MRFAP1L1: variants seen among roughly 807,000 people sequenced by gnomAD.
The protein encoded by MRFAP1L1 is MORF4 family-associated protein 1-like 1.
A neutral mutation model predicts 10.6 loss-of-function variants in MRFAP1L1; 9 were observed. The ratio of observed to expected loss-of-function variants is 0.85; its 90% CI spans 0.51 to 1.48. MRFAP1L1 has a LOEUF of 1.48. Ranked by LOEUF, MRFAP1L1 falls within the 40% of genes most tolerant of loss-of-function variation. MRFAP1L1 has a pLI of 0.00. For synonymous variants in MRFAP1L1, 78 were observed against 70.4 expected (o/e 1.11, Z -0.54); for missense variants, 177 against 171.4 (o/e 1.03, Z -0.18).
rs200098852 is a variant in MRFAP1L1 at position 6,709,237 on chromosome 4, T to C, written c.*9A>G. ...AGCTAGTTTCCGACCTTACCACCGA[T>C]CTCCTCCTTCAAGAAGACTCGCTTC... is the stretch of plus-strand genomic sequence containing the variant. On this transcript the variant is annotated 3_prime_UTR_variant, in exon 1 of 2. Coordinates refer to ENST00000320848, the MANE Select transcript of MRFAP1L1 (RefSeq NM_203462.3). 475 of 1,611,352 alleles carry C rather than the reference T, an allele frequency of 2.9e-4. No individual in the cohort carries two copies. Among genetic ancestry groups the C allele is most frequent in the Middle Eastern group, 1.3e-3 (8 of 6,076 alleles).
Position 6,709,706 on chromosome 4 carries a change from G to A in MRFAP1L1, c.-77C>T. 6.5e-7 allele frequency: 1 copy of A among 1,540,230 alleles called. No homozygotes were observed. The highest frequency in any genetic ancestry group is 8.8e-7 in the Non-Finnish European group (1 of 1,137,522). ...ACCCTCCAAGAACTGGAGATCAGCA[G>A]TTACTGCTGGAGGCTGAGCGACCCA... On this transcript the variant is annotated 5_prime_UTR_variant, in exon 1 of 2. Coordinates refer to ENST00000320848, the MANE Select transcript of MRFAP1L1 (RefSeq NM_203462.3).
rs1330535025 is a variant in MRFAP1L1, at chr4:6,709,278, C to G, written c.352G>C (p.Val118Leu). The G allele has an allele frequency of 1.2e-6, 2 of 1,614,194 alleles. No homozygotes were observed. Among genetic ancestry groups the G allele is most frequent in the Non-Finnish European group, 1.7e-6 (2 of 1,179,986 alleles). The change falls in exon 1 of 2, where the codon GTC becomes CTC. Residue 118 changes from valine to leucine, a missense_variant. Transcript: ENST00000320848. Reference protein sequence around the residue: ...AKMAEMLVELVWRIERSESS With the variant: ...AKMAEMLVELLWRIERSESS ...GACTCGCTTCTCTCTATTCGCCAGA[C>G]GAGCTCGACCAGCATCTCTGCCATC...
At position 6,707,814 on chromosome 4, in the gene MRFAP1L1, C is replaced by T. The variant is rs1312614700; in HGVS notation, c.*845G>A. On this transcript the variant is annotated 3_prime_UTR_variant, in exon 2 of 2. Transcript: ENST00000320848. ...CTTTGTTTTTCAAGGCAAATTAACA[C>T]TTATTATACTTTTGACTTTGACCTC... The T allele has an allele frequency of 6.6e-6, 1 of 152,210 alleles. No homozygotes were observed. Among genetic ancestry groups the T allele is most frequent in the Non-Finnish European group, 1.5e-5 (1 of 68,018 alleles). 9.4% of individuals were successfully genotyped at this position (152,210 alleles called of 1,614,324 possible).
intron 1 of MRFAP1L1, 146 bp from the exon 2 acceptor site, chr4:6,708,789 C>T (rs1714679569): frequency 6.1e-6 from 1 of 164,360 alleles, no homozygotes; most frequent in Non-Finnish European, 1.4e-5. Context: ...ATAGAACAAT[C>T]TGGAAATTTC....
chr4:6,709,508 G>A lies in MRFAP1L1; in HGVS notation c.122C>T (p.Ser41Phe), dbSNP rs762756624. The stretch of plus-strand genomic sequence containing the variant: ...CGCCCGCCCGTGCTCGCGTATAAGA[G>A]ACGCGATGTCCTCGCGCATCTCGTT... ...VINEMREDIA[S>F]LIREHGRAYL... Residue 41 changes from serine (S) to phenylalanine (F), a missense_variant, in exon 1 of 2, where the codon TCT becomes TTT. Transcript: ENST00000320848. 3.7e-6 allele frequency: 6 copies of A among 1,614,132 alleles called. No individual in the cohort carries two copies. The highest frequency in any genetic ancestry group is 1.7e-5 in the Admixed American group (1 of 60,014).
In MRFAP1L1 at chr4:6,709,619, A is replaced by G; in HGVS notation, c.11T>C (p.Leu4Pro). The change falls in exon 1 of 2, where the codon CTG becomes CCG. Residue 4 changes from leucine to proline, a missense_variant. Leu to Pro is a moderately conservative substitution (Grantham distance 98). Coordinates refer to ENST00000320848, the MANE Select transcript of MRFAP1L1 (RefSeq NM_203462.3). MRP[L>P]DIDEVEAPEE... ...AGGCGCTTCCACCTCGTCTATGTCCAGGGGCCGCATCTCCTCCTGCCGCTT... is the reference window on the plus strand; with the variant it reads ...AGGCGCTTCCACCTCGTCTATGTCCGGGGGCCGCATCTCCTCCTGCCGCTT... 6.2e-7 allele frequency: 1 copy of G among 1,611,966 alleles called. No homozygotes were observed. The highest frequency in any genetic ancestry group is 1.3e-5 in the African/African-American group (1 of 74,994).
Position 6,707,823 on chromosome 4 carries a change from C to G in MRFAP1L1, c.*836G>C, listed in dbSNP as rs1340660713. ...TCAAGGCAAATTAACACTTATTATACTTTTGACTTTGACCTCCAATCTGAC... is the reference window on the plus strand; with the variant it reads ...TCAAGGCAAATTAACACTTATTATAGTTTTGACTTTGACCTCCAATCTGAC... On this transcript the variant is annotated 3_prime_UTR_variant, in exon 2 of 2. Transcript: ENST00000320848. The G allele has an allele frequency of 1.3e-5, 2 of 152,210 alleles. No homozygotes were observed. Among genetic ancestry groups the G allele is most frequent in the African/African-American group, 4.8e-5 (2 of 41,400 alleles). The allele number at this position is 152,210 out of a possible 1,614,324, so 9.4% of individuals were successfully genotyped here.
At position 6,709,424 on chromosome 4, in the gene MRFAP1L1, G is replaced by C; in HGVS notation, c.206C>G (p.Thr69Arg). The change falls in exon 1 of 2, where the codon ACG becomes AGG. Residue 69 changes from threonine to arginine, a missense_variant. Coordinates refer to ENST00000320848, the MANE Select transcript of MRFAP1L1 (RefSeq NM_203462.3). ...GCTCTCCTCCGAGGCCTCCACCTGC[G>C]TTTTGATCTGGATAAGCATATTGTC... ...EMDNMLIQIK[T>R]QVEASEESAL... 1 of 1,614,250 alleles carries C rather than the reference G, an allele frequency of 6.2e-7. No homozygotes were observed. Among genetic ancestry groups the C allele is most frequent in the South Asian group, 1.1e-5 (1 of 91,090 alleles).
intron 1 of MRFAP1L1, 84 bp downstream of exon 1, chr4:6,709,147 C>T: frequency 2.1e-6 from 3 of 1,454,308 alleles, no homozygotes; most frequent in Non-Finnish European, 9.4e-7. Context: ...AGGCCTAGAA[C>T]ATAACTTTTT....
Position 6,709,700 on chromosome 4 carries a change from TCAG to T in MRFAP1L1, c.-74_-72del. 1 of 1,549,140 alleles carries T rather than the reference TCAG, an allele frequency of 6.5e-7. No homozygotes were observed. The highest frequency in any genetic ancestry group is 1.2e-5 in the South Asian group (1 of 82,646). On this transcript the variant is annotated 5_prime_UTR_variant, in exon 1 of 2. Coordinates refer to ENST00000320848, the MANE Select transcript of MRFAP1L1 (RefSeq NM_203462.3). ...ACCGGAACCCTCCAAGAACTGGAGA[TCAG>T]CAGTTACTGCTGGAGGCTGAGCGAC...
chr4:6,708,496 C>G lies in MRFAP1L1; in HGVS notation c.*163G>C, dbSNP rs1414752012. ...CACATTTGATAATCTAAATCCATATCGAGGTCATCAATCACTGACCATAAG... is the reference window on the plus strand; with the variant it reads ...CACATTTGATAATCTAAATCCATATGGAGGTCATCAATCACTGACCATAAG... On this transcript the variant is annotated 3_prime_UTR_variant, in exon 2 of 2. Transcript: ENST00000320848. 6.6e-6 allele frequency: 1 copy of G among 152,172 alleles called. No individual in the cohort carries two copies. Among genetic ancestry groups the G allele is most frequent in the African/African-American group, 2.4e-5 (1 of 41,448 alleles). 9.4% of individuals were successfully genotyped at this position (152,172 alleles called of 1,614,324 possible).
Position 6,709,609 on chromosome 4 carries a change from G to T in MRFAP1L1, c.21C>A (p.Asp7Glu), listed in dbSNP as rs763252388. The T allele has an allele frequency of 5.6e-6, 9 of 1,612,964 alleles. No individual in the cohort carries two copies. The African/African-American group carries it at 1.1e-4, about 19-fold the overall frequency. Reference sequence around the variant, plus strand: ...CCACTTCCTCAGGCGCTTCCACCTCGTCTATGTCCAGGGGCCGCATCTCCT... The same window carrying T: ...CCACTTCCTCAGGCGCTTCCACCTCTTCTATGTCCAGGGGCCGCATCTCCT... MRPLDI[D>E]EVEAPEEVEV... is the part of the protein sequence containing the mutation. Residue 7 changes from aspartate to glutamate, a missense_variant, in exon 1 of 2, where the codon GAC (aspartate) becomes GAA (glutamate). Physicochemically the swap from Asp to Glu is conservative, Grantham distance 45 (BLOSUM62 2). Coordinates refer to ENST00000320848, the MANE Select transcript of MRFAP1L1 (RefSeq NM_203462.3).
chr4:6,709,316 T>G lies in MRFAP1L1; in HGVS notation c.314A>C (p.Lys105Thr), dbSNP rs760903231. Residue 105 changes from lysine (K) to threonine (T), a missense_variant, in exon 1 of 2, where the codon AAG becomes ACG. Transcript: ENST00000320848. ...ELCEKAEEKA[K>T]EIAKMAEMLV... Reference sequence around the variant, plus strand: ...CATCTCTGCCATCTTCGCAATCTCCTTGGCTTTCTCCTCAGCCTTCTCGCA... The same window carrying G: ...CATCTCTGCCATCTTCGCAATCTCCGTGGCTTTCTCCTCAGCCTTCTCGCA... 1 of 1,614,266 alleles carries G rather than the reference T, an allele frequency of 6.2e-7. No homozygotes were observed. The highest frequency in any genetic ancestry group is 8.5e-7 in the Non-Finnish European group (1 of 1,180,034).
At chr4:6,709,118 G>C (rs1714693053) in intron 1 of MRFAP1L1, 113 bp downstream of exon 1, 1 of 1,161,382 alleles carries the variant, frequency 8.6e-7, no homozygotes. Flanking sequence ...AATTTTTGAT[G>C]CAATAAAATG....
Position 6,707,717 on chromosome 4 carries a change from T to C in MRFAP1L1, c.*942A>G, listed in dbSNP as rs1714634416. 1 of 152,198 alleles carries C rather than the reference T, an allele frequency of 6.6e-6. No individual in the cohort carries two copies. Among genetic ancestry groups the C allele is most frequent in the Admixed American group, 6.5e-5 (1 of 15,284 alleles). 9.4% of individuals were successfully genotyped at this position (152,198 alleles called of 1,614,324 possible). On this transcript the variant is annotated 3_prime_UTR_variant, in exon 2 of 2. Transcript: ENST00000320848. ...CCAAAAAAATTTGTTTATGATTCTTTTATTAACACACACAGGAGGGGCTTT... is the reference window on the plus strand; with the variant it reads ...CCAAAAAAATTTGTTTATGATTCTTCTATTAACACACACAGGAGGGGCTTT...
In MRFAP1L1 at chr4:6,708,085, C is replaced by A. The variant is rs4689037; in HGVS notation, c.*574G>T. 0.98 allele frequency: 150,130 copies of A among 152,726 alleles called. 73,845 individuals are homozygous for A. Among genetic ancestry groups the A allele is most frequent in the Non-Finnish European group, 1 (68,036 of 68,048 alleles). The allele number at this position is 152,726 out of a possible 1,614,324, so 9.5% of individuals were successfully genotyped here. On this transcript the variant is annotated 3_prime_UTR_variant, in exon 2 of 2. Coordinates refer to ENST00000320848, the MANE Select transcript of MRFAP1L1 (RefSeq NM_203462.3). ...TACACAATATATATCAGACAATGTGCCACAAAACATAGCTCTCCTCTTTCG... is the reference window on the plus strand; with the variant it reads ...TACACAATATATATCAGACAATGTGACACAAAACATAGCTCTCCTCTTTCG...
At position 6,707,778 on chromosome 4, in the gene MRFAP1L1, G is replaced by C. The variant is rs972686269; in HGVS notation, c.*881C>G. 1.9e-4 allele frequency: 29 copies of C among 152,242 alleles called. No homozygotes were observed. The highest frequency in any genetic ancestry group is 6.5e-4 in the African/African-American group (27 of 41,540). The allele number at this position is 152,242 out of a possible 1,614,324, so 9.4% of individuals were successfully genotyped here. ...ACAAAAAATTTATTTCTTAAAAAAG[G>C]CTTTTTAGGTCTTTGTTTTTCAAGG... On this transcript the variant is annotated 3_prime_UTR_variant, in exon 2 of 2. Coordinates refer to ENST00000320848, the MANE Select transcript of MRFAP1L1 (RefSeq NM_203462.3).
intron 1 of MRFAP1L1, 44 bp downstream of exon 1, chr4:6,709,187 G>A: frequency 1.3e-6 from 2 of 1,584,712 alleles, no homozygotes; most frequent in South Asian, 1.1e-5. Flanking sequence ...TGCTTAGGGC[G>A]ACTACTGAGT....
Position 6,709,724 on chromosome 4 carries a change from G to A in MRFAP1L1, c.-95C>T. Reference sequence around the variant, plus strand: ...ATCAGCAGTTACTGCTGGAGGCTGAGCGACCCACACGCTTTGTCAATTGTA... The same window carrying A: ...ATCAGCAGTTACTGCTGGAGGCTGAACGACCCACACGCTTTGTCAATTGTA... On this transcript the variant is annotated 5_prime_UTR_variant, in exon 1 of 2. Coordinates refer to ENST00000320848, the MANE Select transcript of MRFAP1L1 (RefSeq NM_203462.3). 1 of 1,479,492 alleles carries A rather than the reference G, an allele frequency of 6.8e-7. No individual in the cohort carries two copies. 91.6% of individuals were successfully genotyped at this position (1,479,492 alleles called of 1,614,324 possible). A position where few individuals can be genotyped will look rare whatever the true frequency, so the allele number is the denominator to read the frequency against.
Sources: allele counts gnomAD v4.1 joint callset, GRCh38; gene constraint gnomAD v4.1.1; transcripts MANE v1.5; gene names NCBI Gene and HGNC (gene_info 2026-07-23, HGNC 2026-07-21).